TRAPPC6B: variants seen among roughly 807,000 people sequenced by gnomAD.
The protein encoded by TRAPPC6B is TRAPP complex subunit 6B.
In TRAPPC6B, 27 loss-of-function variants were observed where a neutral mutation model predicts 24.7. The observed-to-expected ratio is 1.09, with a 90% CI of 0.81 to 1.51. The LOEUF is 1.51. Among genes scored for constraint, TRAPPC6B ranks in the 40% most tolerant of loss-of-function variants. TRAPPC6B has a pLI of 0.00. For missense variants in TRAPPC6B, 212 were observed against 190.8 expected (o/e 1.11, Z -0.66); for synonymous variants, 80 against 66.6 (o/e 1.20, Z -0.98).
intron 1 of TRAPPC6B, among the ~76,000 whole-genome samples, chr14:39,169,788 C>T (rs2053146040): frequency 1.3e-5 from 2 of 152,082 alleles, no homozygotes; most frequent in Admixed American, 6.6e-5. Flanking sequence ...CGGGAATAGA[C>T]AAAAGAGAAT....
intron 3 of TRAPPC6B, among the ~76,000 whole-genome samples, chr14:39,154,915 T>C (rs1490029829): frequency 6.6e-6 from 1 of 151,438 alleles, no homozygotes; most frequent in Non-Finnish European, 1.5e-5. Context: ...CCACATGAAA[T>C]AAGCTGTTTG....
chr14:39,167,968 C>T (rs978852272), intron 1 of TRAPPC6B, among the ~76,000 whole-genome samples: 1 of 152,134 alleles, frequency 6.6e-6, no homozygotes, highest in Non-Finnish European at 1.5e-5. Context: ...AATCCCAGCA[C>T]TTTGGGAGGC....
intron 5 of TRAPPC6B, 127 bp from the exon 6 acceptor site, chr14:39,150,508 C>T (rs1385278294): frequency 4.5e-6 from 3 of 665,886 alleles, no homozygotes; most frequent in Non-Finnish European, 5.1e-6. Context: ...AACTTTTTCG[C>T]ATTCTTCATA....
rs1372933985 is a variant in TRAPPC6B, at chr14:39,149,278, T to C, written c.*1072A>G. ...GCCATTTCTATGGCAGAGTACCCAGTGAAACATCTTGTTTGGTGTGTCAGT... is the reference window on the plus strand; with the variant it reads ...GCCATTTCTATGGCAGAGTACCCAGCGAAACATCTTGTTTGGTGTGTCAGT... On this transcript the variant is annotated 3_prime_UTR_variant, in exon 6 of 6. Transcript: ENST00000330149. The C allele has an allele frequency of 2.6e-5, 4 of 152,196 alleles. No individual in the cohort carries two copies. 9.4% of individuals were successfully genotyped at this position (152,196 alleles called of 1,614,324 possible).
chr14:39,150,397 C>A lies in TRAPPC6B; in HGVS notation c.446-16G>T. 1.3e-6 allele frequency: 2 copies of A among 1,502,156 alleles called. No homozygotes were observed. Among genetic ancestry groups the A allele is most frequent in the Non-Finnish European group, 1.8e-6 (2 of 1,105,020 alleles). 93.1% of individuals were successfully genotyped at this position (1,502,156 alleles called of 1,614,324 possible). The stretch of plus-strand genomic sequence containing the variant: ...TGAAATTTGCCTAAAAAAAAAAATA[C>A]AAATAATTCTTTGATTTTAGATACA... On this transcript the variant is annotated splice_polypyrimidine_tract_variant and intron_variant, in intron 5 of 5. Transcript: ENST00000330149.
At chr14:39,151,861 A>T in intron 4 of TRAPPC6B, 22 bp from the exon 5 acceptor site, 9 of 1,497,278 alleles carry the variant, frequency 6.0e-6, no homozygotes, top group Non-Finnish European at 8.2e-6. Flanking sequence ...AAAAATCATT[A>T]AAAATAGTAA....
intron 1 of TRAPPC6B, among the ~76,000 whole-genome samples, chr14:39,168,377 A>G (rs1347348663): frequency 6.6e-6 from 1 of 152,210 alleles, no homozygotes; most frequent in Non-Finnish European, 1.5e-5. Context: ...CTAGCTTTGC[A>G]CAAACAGTAA....
chr14:39,148,454 G>GA lies in TRAPPC6B; in HGVS notation c.*1895dup, dbSNP rs369583220. On this transcript the variant is annotated 3_prime_UTR_variant, in exon 6 of 6. Transcript: ENST00000330149. ...TACAGAGTTTTAGGCCAAAAAAAAA[G>GA]AAAAAAAAAATGGGGCTTTGTCAGC... 0.1 allele frequency: 33,494 copies of GA among 327,550 alleles called. 794 individuals carry two copies. Among genetic ancestry groups the GA allele is most frequent in the African/African-American group, 0.13 (6,052 of 46,144 alleles). The allele number at this position is 327,550 out of a possible 1,614,324, so 20.3% of individuals were successfully genotyped here.
Position 39,170,213 on chromosome 14 carries a change from C to A in TRAPPC6B, c.-118G>T. 1 of 925,074 alleles carries A rather than the reference C, an allele frequency of 1.1e-6. No homozygotes were observed. Among genetic ancestry groups the A allele is most frequent in the South Asian group, 1.5e-5 (1 of 67,928 alleles). The allele number at this position is 925,074 out of a possible 1,614,324, so 57.3% of individuals were successfully genotyped here. A position where few individuals can be genotyped will look rare whatever the true frequency, so the allele number is the denominator to read the frequency against. On this transcript the variant is annotated 5_prime_UTR_variant, in exon 1 of 6. Transcript: ENST00000330149. ...CGGCTCCGTCAGGCCGCCATTCTAT[C>A]CCTGTGGCTAAGAGACCGAGGTATT...
chr14:39,152,717 T>A (rs2052929521), intron 4 of TRAPPC6B, among the ~76,000 whole-genome samples: 1 of 152,196 alleles, frequency 6.6e-6, no homozygotes, highest in African/African-American at 2.4e-5. Flanking sequence ...ACCATGTATA[T>A]GTGCGTATTT....
At position 39,148,606 on chromosome 14, in the gene TRAPPC6B, T is replaced by C. The variant is rs1270526743; in HGVS notation, c.*1744A>G. 1 of 398,438 alleles carries C rather than the reference T, an allele frequency of 2.5e-6. No individual in the cohort carries two copies. Among genetic ancestry groups the C allele is most frequent in the Non-Finnish European group, 4.4e-6 (1 of 225,952 alleles). 24.7% of individuals were successfully genotyped at this position (398,438 alleles called of 1,614,324 possible). The stretch of plus-strand genomic sequence containing the variant: ...TTTATTTTGAAGTTCTCTATTGTGT[T>C]CTATTTTGATCTACTTCTGTGTCAT... On this transcript the variant is annotated 3_prime_UTR_variant, in exon 6 of 6. Transcript: ENST00000330149.
chr14:39,169,590 G>C (rs1355662737), intron 1 of TRAPPC6B, among the ~76,000 whole-genome samples: 5 of 152,172 alleles, frequency 3.3e-5, no homozygotes. Flanking sequence ...GTTGTGTGGA[G>C]TTGTACTGAG....
chr14:39,150,803 C>T (rs1043364321), intron 5 of TRAPPC6B, among the ~76,000 whole-genome samples: 13 of 152,286 alleles, frequency 8.5e-5, no homozygotes, highest in Admixed American at 7.8e-4. Flanking sequence ...TCCCAAAGTG[C>T]TGAGCTTACA....
intron 2 of TRAPPC6B, 123 bp from the exon 3 acceptor site, chr14:39,158,525 ATTTT>A (rs371667708): frequency 7.3e-6 from 4 of 548,350 alleles, no homozygotes; most frequent in African/African-American, 2.0e-5. Flanking sequence ...TTTAATTTTA[ATTTT>A]TTTTTTGAGA....
chr14:39,157,500 G>A (rs1208609294), intron 3 of TRAPPC6B: 1 of 392,444 alleles, frequency 2.5e-6, no homozygotes, highest in Non-Finnish European at 5.0e-6. Context: ...CCACCTTGGA[G>A]GAGAACAAGA....
intron 4 of TRAPPC6B, among the ~76,000 whole-genome samples, chr14:39,153,267 AAG>A (rs1332451788): frequency 1.3e-5 from 2 of 151,750 alleles, no homozygotes; most frequent in African/African-American, 4.8e-5. Flanking sequence ...AAAAAAAAAA[AAG>A]AGAGAAAATA....
chr14:39,151,117 C>T (rs532222102), intron 5 of TRAPPC6B, among the ~76,000 whole-genome samples: 3 of 151,964 alleles, frequency 2.0e-5, no homozygotes, highest in South Asian at 2.1e-4. Context: ...TCGGGCCGGG[C>T]GCGGTGGTTC....
rs569144246 is a variant in TRAPPC6B, at chr14:39,153,555, G to A, written c.351+656C>T. Among the ~76,000 whole-genome samples the A allele has an allele frequency of 6.2e-4, 93 of 151,058 alleles. 1 individual carries two copies. In the South Asian group the frequency reaches 0.018, roughly 30 times the overall value. Reference sequence around the variant, plus strand: ...TGAAGTGGGAGGATCACTTGAGCCCGGGGGGGTCAAGGTCAAGATAGGCCA... The same window carrying A: ...TGAAGTGGGAGGATCACTTGAGCCCAGGGGGGTCAAGGTCAAGATAGGCCA... On this transcript the variant is annotated intron_variant, in intron 4 of 5. Coordinates refer to ENST00000330149, the MANE Select transcript of TRAPPC6B (RefSeq NM_001079537.2).
At chr14:39,159,269 T>C (rs2053025163) in intron 2 of TRAPPC6B, 1 of 251,308 alleles carries the variant, frequency 4.0e-6, no homozygotes, top group East Asian at 7.5e-5. Flanking sequence ...GTCTAAAATA[T>C]ATAAAATATA....
Sources: gnomAD v4.1 joint callset for allele counts (sites outside exome capture counted in the v4.1 genomes callset) on GRCh38, gnomAD v4.1.1 for gene constraint, MANE v1.5 for transcripts, NCBI Gene and HGNC (gene_info 2026-07-23, HGNC 2026-07-21) for gene names.